ADAMTS9: variants seen among roughly 807,000 people sequenced by gnomAD.
The protein encoded by ADAMTS9 is A disintegrin and metalloproteinase with thrombospondin motifs 9.
In ADAMTS9, 107 loss-of-function variants were observed where a neutral mutation model predicts 257.1. That is an observed-to-expected ratio of 0.42 (90% CI 0.36 to 0.49). The LOEUF is 0.49. ADAMTS9 is among the 20% of genes least tolerant of loss of function. The pLI is 0.03. For missense variants in ADAMTS9, 2,353 were observed against 2,469.1 expected (o/e 0.95, Z 1.00); for synonymous variants, 982 against 880.9 (o/e 1.11, Z -2.03).
At chr3:64,641,749 T>C in intron 12 of ADAMTS9, 99 bp downstream of exon 12, 3 of 1,478,850 alleles carry the variant, frequency 2.0e-6, no homozygotes, top group Non-Finnish European at 2.8e-6. Flanking sequence ...TTTCTAGCTC[T>C]CTAAGTTGGA....
intron 3 of ADAMTS9, among the ~76,000 whole-genome samples, chr3:64,668,909 T>C (rs1434810721): frequency 1.3e-5 from 2 of 152,104 alleles, no homozygotes; most frequent in Non-Finnish European, 2.9e-5. Context: ...AGGGAGTGTA[T>C]CTCCCACATT....
chr3:64,606,306 T>C (rs980202703), intron 23 of ADAMTS9, among the ~76,000 whole-genome samples: 1 of 152,216 alleles, frequency 6.6e-6, no homozygotes, highest in Non-Finnish European at 1.5e-5. Context: ...CCCTGAATTG[T>C]AGCCCTTGCT....
intron 38 of ADAMTS9, among the ~76,000 whole-genome samples, chr3:64,531,074 A>C (rs2082974971): frequency 6.6e-6 from 1 of 152,228 alleles, no homozygotes; most frequent in Admixed American, 6.5e-5. Flanking sequence ...TTAATGACTA[A>C]TTTACAAGTA....
At position 64,687,712 on chromosome 3, in the gene ADAMTS9, T is replaced by G. The variant is rs1483244152; in HGVS notation, c.-55A>C. The G allele has an allele frequency of 3.1e-6, 4 of 1,289,452 alleles. No homozygotes were observed. The highest frequency in any genetic ancestry group is 2.1e-6 in the Non-Finnish European group (2 of 969,356). The allele number at this position is 1,289,452 out of a possible 1,614,324, so 79.9% of individuals were successfully genotyped here. A position where few individuals can be genotyped will look rare whatever the true frequency, so the allele number is the denominator to read the frequency against. ...CCACCCCCCTCCCTCCTGCCCTCCTTGGCTGCGGCGGCGACGCGAGGCAGC... is the reference window on the plus strand; with the variant it reads ...CCACCCCCCTCCCTCCTGCCCTCCTGGGCTGCGGCGGCGACGCGAGGCAGC... On this transcript the variant is annotated 5_prime_UTR_variant, in exon 1 of 40. Transcript: ENST00000498707. The surrounding 1 kb of genome is among the most constrained non-coding windows in gnomAD (Gnocchi z 4.4).
In ADAMTS9 at chr3:64,596,840, T is replaced by A. The variant is rs753062307; in HGVS notation, c.4169A>T (p.Asn1390Ile). 2 of 1,613,994 alleles carry A rather than the reference T, an allele frequency of 1.2e-6. No individual in the cohort carries two copies. Among genetic ancestry groups the A allele is most frequent in the South Asian group, 1.1e-5 (1 of 91,074 alleles). Residue 1390 changes from asparagine (N) to isoleucine (I), a missense_variant, in exon 27 of 40, where the codon AAC (asparagine) becomes ATC (isoleucine). Around this residue, in one of 3 missense-constraint regions of ADAMTS9, gnomAD observed 1,402 missense variants for 1,441.4 expected, o/e 0.97. Coordinates refer to ENST00000498707, the MANE Select transcript of ADAMTS9 (RefSeq NM_182920.2). ...ATAGTTCACTCTCACCTCTCCCCAG[T>A]TGCCATAAGCCCACTGAGGACAAGG... ...SGPCPQWAYG[N>I]WGECTKLCGG...
In ADAMTS9 at chr3:64,613,459, C is replaced by G; in HGVS notation, c.3240G>C (p.Gln1080His). 10 of 1,614,024 alleles carry G rather than the reference C, an allele frequency of 6.2e-6. No homozygotes were observed. Among genetic ancestry groups the G allele is most frequent in the Non-Finnish European group, 8.5e-6 (10 of 1,179,916 alleles). The change falls in exon 22 of 40, where the codon CAG becomes CAC. Residue 1080 changes from glutamine to histidine, a missense_variant. Physicochemically the swap from Gln to His is conservative, Grantham distance 24 (BLOSUM62 0). Around this residue, in one of 3 missense-constraint regions of ADAMTS9, gnomAD observed 1,402 missense variants for 1,441.4 expected, o/e 0.97. Transcript: ENST00000498707. ...KGHKHRQVWC[Q>H]FGEDRLNDRM... ...TATCATTTAATCGATCTTCACCAAA[C>G]TGACACCAGACCTGGCGGTGCTTAT...
intron 23 of ADAMTS9, 60 bp downstream of exon 23, chr3:64,606,900 T>G: frequency 6.2e-7 from 1 of 1,601,162 alleles, no homozygotes. Flanking sequence ...TCTAAACAGC[T>G]GGGCAGTTTG....
chr3:64,664,349 G>A (rs1223505948), intron 3 of ADAMTS9, among the ~76,000 whole-genome samples: 1 of 152,132 alleles, frequency 6.6e-6, no homozygotes, highest in Non-Finnish European at 1.5e-5. Flanking sequence ...TATTCATAGA[G>A]TTCCACAATC....
chr3:64,602,403 A>G (rs1404881664), intron 25 of ADAMTS9, among the ~76,000 whole-genome samples, 190 bp from the exon 26 acceptor site: 1 of 152,180 alleles, frequency 6.6e-6, no homozygotes, highest in Non-Finnish European at 1.5e-5. Flanking sequence ...TCAGCTCAGT[A>G]TTCAAAATCA....
At chr3:64,675,440 G>C (rs947221090) in intron 3 of ADAMTS9, among the ~76,000 whole-genome samples, 3 of 152,098 alleles carry the variant, frequency 2.0e-5, no homozygotes, top group African/African-American at 4.8e-5. Flanking sequence ...ATCCCAGGGA[G>C]ATTCTGTCTC....
intron 3 of ADAMTS9, among the ~76,000 whole-genome samples, chr3:64,679,065 A>T (rs1701692222): frequency 6.6e-6 from 1 of 152,210 alleles, no homozygotes; most frequent in Non-Finnish European, 1.5e-5. Context: ...GAACCAAAAT[A>T]GACTTTTATT....
chr3:64,621,106 T>C lies in ADAMTS9; in HGVS notation c.2813+8A>G, dbSNP rs1469237460. 6.2e-7 allele frequency: 1 copy of C among 1,601,322 alleles called. No homozygotes were observed. Among genetic ancestry groups the C allele is most frequent in the African/African-American group, 1.3e-5 (1 of 74,184 alleles). The stretch of plus-strand genomic sequence containing the variant: ...AGTAATAAAGGCCTTGAGAAAACAG[T>C]GGCCCACCTCAGGTCACAGTCTGTA... On this transcript the variant is annotated splice_region_variant and intron_variant, in intron 19 of 39. Coordinates refer to ENST00000498707, the MANE Select transcript of ADAMTS9 (RefSeq NM_182920.2).
chr3:64,524,391 T>A (rs1462377310), intron 38 of ADAMTS9, among the ~76,000 whole-genome samples: 2 of 152,208 alleles, frequency 1.3e-5, no homozygotes, highest in Non-Finnish European at 2.9e-5. Flanking sequence ...ATTATATGGT[T>A]ATGGACAGAT....
At chr3:64,527,071 A>T (rs1469216975) in intron 38 of ADAMTS9, among the ~76,000 whole-genome samples, 1 of 152,212 alleles carries the variant, frequency 6.6e-6, no homozygotes, top group Non-Finnish European at 1.5e-5. Context: ...ATCCTAAAGA[A>T]TAAAAACAGC....
chr3:64,668,421 C>T (rs939761475), intron 3 of ADAMTS9, among the ~76,000 whole-genome samples: 3 of 152,102 alleles, frequency 2.0e-5, no homozygotes, highest in South Asian at 4.1e-4. Flanking sequence ...CCAGAGACAG[C>T]GTATTACGGG....
intron 10 of ADAMTS9, among the ~76,000 whole-genome samples, chr3:64,648,894 A>G (rs1056483619): frequency 2.6e-5 from 4 of 152,254 alleles, no homozygotes; most frequent in African/African-American, 9.6e-5. Context: ...AAATATTGCC[A>G]TGAATCAAGT....
chr3:64,679,817 G>A (rs905083479), intron 3 of ADAMTS9, among the ~76,000 whole-genome samples: 3 of 152,186 alleles, frequency 2.0e-5, no homozygotes, highest in Non-Finnish European at 4.4e-5. Context: ...TACTAGCACG[G>A]TCAAAACTGT....
chr3:64,561,477 G>A (rs367778526), intron 30 of ADAMTS9, 101 bp downstream of exon 30: 32 of 1,333,034 alleles, frequency 2.4e-5, no homozygotes, highest in Middle Eastern at 2.0e-4. Context: ...CATTGTAACC[G>A]TGCTCGGTGA....
In ADAMTS9 at chr3:64,678,637, G is replaced by T. The variant is rs576460691; in HGVS notation, c.679+2564C>A. Among the ~76,000 whole-genome samples, 57 of 152,268 alleles carry T rather than the reference G, an allele frequency of 3.7e-4. 1 individual carries two copies. The South Asian group carries it at 0.011, about 30-fold the overall frequency. On this transcript the variant is annotated intron_variant, in intron 3 of 39. Coordinates refer to ENST00000498707, the MANE Select transcript of ADAMTS9 (RefSeq NM_182920.2). ...GGAAGATGAACCACTGAATCTGAGT[G>T]GATTGCTATTGCTAGGCAGCCCCTT...
Sources: gnomAD v4.1 joint callset for allele counts (sites outside exome capture counted in the v4.1 genomes callset) on GRCh38, gnomAD v4.1.1 for gene constraint, gnomAD v4.1.1 regional missense constraint, Gnocchi (gnomAD v3.1) non-coding constraint, MANE v1.5 for transcripts, NCBI Gene and HGNC (gene_info 2026-07-23, HGNC 2026-07-21) for gene names.